Variants in NELL1 observed in about 807,000 individuals in gnomAD.
The protein encoded by NELL1 is neural EGFL like 1.
NELL1 carries 76 observed loss-of-function variants against 107.4 expected under a neutral mutation model. That is an observed-to-expected ratio of 0.71 (90% CI 0.59 to 0.86). NELL1 has a LOEUF of 0.86. NELL1 is among the 40% of genes least tolerant of loss of function. NELL1 has a pLI of 0.00. For missense variants in NELL1, 1,024 were observed against 1,005.5 expected (o/e 1.02, Z -0.25); for synonymous variants, 353 against 341.2 (o/e 1.03, Z -0.38).
chr11:21,568,626 A>AT (rs1480739058), intron 17 of NELL1, among the ~76,000 whole-genome samples: 2 of 151,726 alleles, frequency 1.3e-5, no homozygotes, highest in African/African-American at 2.4e-5. Flanking sequence ...GCTTTTTCTA[A>AT]TTTTTTAAAA....
chr11:21,477,733 C>A (rs139142741), intron 15 of NELL1, among the ~76,000 whole-genome samples: 5 of 151,902 alleles, frequency 3.3e-5, no homozygotes, highest in Admixed American at 3.3e-4. Flanking sequence ...TCCTAAGATA[C>A]GTGACCTTTC....
At chr11:21,065,863 T>A (rs1853854454) in intron 12 of NELL1, among the ~76,000 whole-genome samples, 1 of 152,218 alleles carries the variant, frequency 6.6e-6, no homozygotes, top group African/African-American at 2.4e-5. Context: ...CTAGAATTTT[T>A]AAAGATCGAG....
intron 15 of NELL1, among the ~76,000 whole-genome samples, chr11:21,533,449 C>T (rs1344884894): frequency 6.6e-6 from 1 of 152,176 alleles, no homozygotes; most frequent in Admixed American, 6.6e-5. Flanking sequence ...GATTCCCAGG[C>T]AGCAGTAGCT....
At chr11:21,310,250 T>C (rs2133644110) in intron 14 of NELL1, among the ~76,000 whole-genome samples, 1 of 152,216 alleles carries the variant, frequency 6.6e-6, no homozygotes, top group Non-Finnish European at 1.5e-5. Context: ...GTGTGCTTTC[T>C]TTTACATCAA....
chr11:21,342,703 GA>G (rs1160642919), intron 14 of NELL1, among the ~76,000 whole-genome samples: 1 of 6,082 alleles, frequency 1.6e-4, no homozygotes, highest in Non-Finnish European at 5.4e-4. Context: ...AAGGAAGAGG[GA>G]GAGAGAGAGA....
intron 14 of NELL1, among the ~76,000 whole-genome samples, chr11:21,370,628 C>G (rs1851335924): frequency 6.6e-6 from 1 of 152,166 alleles, no homozygotes; most frequent in Admixed American, 6.6e-5. Context: ...CATGCCAGCC[C>G]TATGCTAAAC....
chr11:20,903,500 T>G (rs1300318887), intron 5 of NELL1, among the ~76,000 whole-genome samples: 2 of 152,092 alleles, frequency 1.3e-5, no homozygotes, highest in East Asian at 3.9e-4. Flanking sequence ...ACCTTCTTAT[T>G]GGTTTTGATT....
chr11:20,926,095 A>G (rs1042963992), intron 7 of NELL1, among the ~76,000 whole-genome samples: 4 of 152,246 alleles, frequency 2.6e-5, no homozygotes, highest in African/African-American at 9.6e-5. Context: ...AGAGAAACTC[A>G]GATAATTTTC....
chr11:21,224,429 T>A (rs1460236981), intron 13 of NELL1, among the ~76,000 whole-genome samples: 1 of 150,858 alleles, frequency 6.6e-6, no homozygotes, highest in Admixed American at 6.6e-5. Flanking sequence ...CACATCACCA[T>A]CTTCCTCACT....
chr11:20,730,180 A>T (rs761437242), intron 2 of NELL1, among the ~76,000 whole-genome samples: 1 of 152,196 alleles, frequency 6.6e-6, no homozygotes, highest in Non-Finnish European at 1.5e-5. Flanking sequence ...AAGATATGAA[A>T]GTATAGTTGG....
intron 11 of NELL1, among the ~76,000 whole-genome samples, chr11:20,956,559 T>C (rs1052356613): frequency 2.7e-5 from 4 of 147,590 alleles, no homozygotes; most frequent in Non-Finnish European, 5.9e-5. Flanking sequence ...GGCAGGAGAA[T>C]GGCATGAACC....
chr11:21,170,113 A>G lies in NELL1; in HGVS notation c.1426+56399A>G, dbSNP rs1412488120. On this transcript the variant is annotated intron_variant, in intron 13 of 19. Transcript: ENST00000357134. ...AACAAAAGGATGTGGAGGCAAAACC[A>G]CCCTTCAGGTCCACTTTGTTCCATG... 1.2e-5 allele frequency: 9 copies of G among 766,502 alleles called. 1 individual carries two copies. Among genetic ancestry groups the G allele is most frequent in the Non-Finnish European group, 2.0e-5 (9 of 444,098 alleles). 47.5% of individuals were successfully genotyped at this position (766,502 alleles called of 1,614,324 possible).
At chr11:21,286,553 C>G (rs1433527585) in intron 14 of NELL1, among the ~76,000 whole-genome samples, 4 of 152,172 alleles carry the variant, frequency 2.6e-5, no homozygotes, top group Non-Finnish European at 5.9e-5. Flanking sequence ...TTTATGATGA[C>G]AAGGATTTAT....
At chr11:21,494,859 T>C (rs984036751) in intron 15 of NELL1, among the ~76,000 whole-genome samples, 1 of 152,082 alleles carries the variant, frequency 6.6e-6, no homozygotes, top group Non-Finnish European at 1.5e-5. Context: ...CCTATTGACT[T>C]TTCTCCCATC....
At chr11:20,684,643 T>G (rs1854264952) in intron 2 of NELL1, among the ~76,000 whole-genome samples, 1 of 152,146 alleles carries the variant, frequency 6.6e-6, no homozygotes, top group African/African-American at 2.4e-5. Flanking sequence ...TAATGGCCAG[T>G]CATTGTGAAT....
intron 3 of NELL1, among the ~76,000 whole-genome samples, chr11:20,832,664 TA>T (rs1229832159): frequency 6.6e-6 from 1 of 152,140 alleles, no homozygotes; most frequent in East Asian, 1.9e-4. Context: ...CTGTAGAAAA[TA>T]AAAGTTTCTT....
At chr11:21,113,480 T>C in intron 12 of NELL1, 109 bp from the exon 13 acceptor site, 2 of 1,146,304 alleles carry the variant, frequency 1.7e-6, no homozygotes, top group Non-Finnish European at 2.5e-6. Flanking sequence ...ATGTTACTTT[T>C]TCTCTTGGCT....
chr11:21,092,560 G>GC (rs1854546107), intron 12 of NELL1, among the ~76,000 whole-genome samples: 1 of 152,100 alleles, frequency 6.6e-6, no homozygotes, highest in Non-Finnish European at 1.5e-5. Context: ...GATAATATAT[G>GC]CCCCCTAGAG....
At chr11:21,124,573 T>C (rs1855446424) in intron 13 of NELL1, among the ~76,000 whole-genome samples, 1 of 151,900 alleles carries the variant, frequency 6.6e-6, no homozygotes. Context: ...GCAGATTAGG[T>C]GTCTGGTGAG....
Sources: gnomAD v4.1 joint callset for allele counts (sites outside exome capture counted in the v4.1 genomes callset) on GRCh38, gnomAD v4.1.1 for gene constraint, MANE v1.5 for transcripts, NCBI Gene and HGNC (gene_info 2026-07-23, HGNC 2026-07-21) for gene names.